Variants in GON4L observed in about 807,000 individuals in gnomAD.
GON4L encodes GON-4-like protein.
In GON4L, 87 loss-of-function variants were observed where a neutral mutation model predicts 211.8. The ratio of observed to expected loss-of-function variants is 0.41; its 90% CI spans 0.35 to 0.49. The LOEUF is 0.49. Ranked by LOEUF, GON4L falls within the 20% of genes least tolerant of loss-of-function variation. The probability of loss-of-function intolerance (pLI) is 0.15; values close to 1 mark genes in which losing one functional copy is unlikely to be tolerated. For synonymous variants in GON4L, 875 were observed against 962.6 expected, an observed-to-expected ratio of 0.91 and a Z score of 1.68; for missense variants, 2,155 against 2,659.5, an observed-to-expected ratio of 0.81 and a Z score of 4.17.
At position 155,853,810 on chromosome 1, in the gene GON4L, A is replaced by T. The variant is rs769195682; in HGVS notation, c.-26-4T>A. On this transcript the variant is annotated splice_polypyrimidine_tract_variant and splice_region_variant and intron_variant, in intron 1 of 31. Coordinates refer to ENST00000368331, the MANE Select transcript of GON4L (RefSeq NM_001282860.2). The stretch of plus-strand genomic sequence containing the variant: ...AAAGTCCCACTTTTGTTCCATTCTG[A>T]AAGAATAAAAAGTTCTTACTGCCTT... The T allele has an allele frequency of 2.5e-6, 4 of 1,585,130 alleles. No individual in the cohort carries two copies. The highest frequency in any genetic ancestry group is 3.5e-6 in the Non-Finnish European group (4 of 1,154,936).
chr1:155,812,684 T>C (rs1667900517), intron 10 of GON4L, among the ~76,000 whole-genome samples: 1 of 152,036 alleles, frequency 6.6e-6, no homozygotes, highest in South Asian at 2.1e-4. Context: ...GCTTCCCAAG[T>C]AGCTGGGATT....
At chr1:155,848,605 G>A (rs992033907) in intron 2 of GON4L, among the ~76,000 whole-genome samples, 1 of 152,106 alleles carries the variant, frequency 6.6e-6, no homozygotes, top group African/African-American at 2.4e-5. Context: ...ATCAAATCCT[G>A]TGAATCCTTC....
chr1:155,772,774 A>G (rs969948253), intron 18 of GON4L, among the ~76,000 whole-genome samples: 5 of 151,890 alleles, frequency 3.3e-5, no homozygotes, highest in Admixed American at 3.3e-4. Context: ...ATAAAATAAA[A>G]TAAAAGCGAA....
At position 155,771,174 on chromosome 1, in the gene GON4L, G is replaced by A. The variant is rs138750256; in HGVS notation, c.2539C>T (p.Pro847Ser). The part of the protein sequence containing the change: ...GLKHFEGTEF[P>S]NPLISKYLLT... ...AGGTACTTGCTGATTAGAGGATTAGGAAACTCAGTTCCTTCAAAATGCTTC... is the reference window on the plus strand; with the variant it reads ...AGGTACTTGCTGATTAGAGGATTAGAAAACTCAGTTCCTTCAAAATGCTTC... The change falls in exon 19 of 32, where the codon CCT becomes TCT. Residue 847 changes from proline (P) to serine (S), a missense_variant. By Grantham distance (74) the Pro-to-Ser change is moderately conservative. Around this residue, in one of 6 missense-constraint regions of GON4L, gnomAD observed 551 missense variants for 854.0 expected, o/e 0.65. Transcript: ENST00000368331. The A allele has an allele frequency of 6.2e-7, 1 of 1,614,164 alleles. No homozygotes were observed. The highest frequency in any genetic ancestry group is 8.5e-7 in the Non-Finnish European group (1 of 1,180,026).
intron 1 of GON4L, among the ~76,000 whole-genome samples, chr1:155,855,204 T>C (rs1467631055): frequency 1.3e-5 from 2 of 152,204 alleles, no homozygotes; most frequent in Non-Finnish European, 2.9e-5. Context: ...GTATCCTCTA[T>C]GTTCTTTTAG....
At chr1:155,834,710 T>C (rs1670127099) in intron 2 of GON4L, among the ~76,000 whole-genome samples, 1 of 152,176 alleles carries the variant, frequency 6.6e-6, no homozygotes, top group Non-Finnish European at 1.5e-5. Context: ...CCATGACAGT[T>C]TACAAATGCC....
Position 155,853,407 on chromosome 1 carries a change from G to A in GON4L, c.374C>T (p.Ala125Val). The A allele has an allele frequency of 6.2e-7, 1 of 1,614,144 alleles. No homozygotes were observed. Among genetic ancestry groups the A allele is most frequent in the Non-Finnish European group, 8.5e-7 (1 of 1,180,008 alleles). Residue 125 changes from alanine (A) to valine (V), a missense_variant, in exon 2 of 32, where the codon GCT becomes GTT. By Grantham distance (64) the Ala-to-Val change is moderately conservative. Transcript: ENST00000368331. ...TTTTTTCCCTCTCTTTGAGCCAGTA[G>A]CGTGGAGTTTTCCTTTACCAATGTG... The part of the protein sequence containing the change: ...NIHIGKGKLH[A>V]TGSKRGKKMT...
chr1:155,801,112 C>CAAAA (rs367752032), intron 11 of GON4L, among the ~76,000 whole-genome samples: 60 of 73,602 alleles, frequency 8.2e-4, no homozygotes, highest in African/African-American at 1.1e-3. Flanking sequence ...TGCTGCTGCT[C>CAAAA]AAAAAAAAAA....
chr1:155,804,911 T>G lies in GON4L; in HGVS notation c.1645+38A>C, dbSNP rs751125488. ...ATACTAAAAATTTTACAACAGATAATGGACAGTATACATAATAAATCACAA... is the reference window on the plus strand; with the variant it reads ...ATACTAAAAATTTTACAACAGATAAGGGACAGTATACATAATAAATCACAA... On this transcript the variant is annotated intron_variant, in intron 11 of 31. Transcript: ENST00000368331. 2.1e-6 allele frequency: 3 copies of G among 1,446,226 alleles called. No individual in the cohort carries two copies. In the South Asian group the frequency reaches 3.4e-5, roughly 17 times the overall value. The allele number at this position is 1,446,226 out of a possible 1,614,324, so 89.6% of individuals were successfully genotyped here.
intron 1 of GON4L, among the ~76,000 whole-genome samples, chr1:155,854,332 T>C (rs955383081): frequency 2.0e-5 from 3 of 152,196 alleles, no homozygotes; most frequent in Non-Finnish European, 4.4e-5. Flanking sequence ...TTTTTTTGTA[T>C]TTTTAGTAGA....
chr1:155,849,275 G>A (rs564984476), intron 2 of GON4L, among the ~76,000 whole-genome samples: 12 of 151,880 alleles, frequency 7.9e-5, no homozygotes, highest in Middle Eastern at 3.4e-3. Flanking sequence ...GCTGGGCACG[G>A]TGGCTCACAC....
intron 20 of GON4L, 122 bp downstream of exon 20, chr1:155,767,303 G>A: frequency 6.2e-7 from 1 of 1,600,080 alleles, no homozygotes; most frequent in Non-Finnish European, 8.5e-7. Flanking sequence ...GGTGAATCAG[G>A]AAGATTTCTA....
chr1:155,753,811 A>G (rs189711789), intron 28 of GON4L, among the ~76,000 whole-genome samples: 1 of 152,104 alleles, frequency 6.6e-6, no homozygotes, highest in Non-Finnish European at 1.5e-5. Flanking sequence ...TCCTGGGCTC[A>G]AGTGATCCTC....
intron 10 of GON4L, among the ~76,000 whole-genome samples, chr1:155,808,915 T>C (rs1193103742): frequency 2.0e-5 from 3 of 152,060 alleles, no homozygotes; most frequent in Non-Finnish European, 4.4e-5. Context: ...CCGGACCCTG[T>C]TTTTTAAAAT....
chr1:155,853,564 T>C lies in GON4L; in HGVS notation c.217A>G (p.Met73Val), dbSNP rs375536483. The stretch of plus-strand genomic sequence containing the variant: ...CCAGAGCTCAGAGATGTATCCTCCA[T>C]ACCAAGCTGATTTCCTGCATCCTGC... ...SLQDAGNQLGMEDTSLSSGML... is the reference protein window; with the variant it reads ...SLQDAGNQLGVEDTSLSSGML... Residue 73 changes from methionine (M) to valine (V), a missense_variant, in exon 2 of 32, where the codon ATG becomes GTG. This residue lies in a region of GON4L where 313 missense variants were observed against 293.2 expected (regional missense o/e 1.07). Coordinates refer to ENST00000368331, the MANE Select transcript of GON4L (RefSeq NM_001282860.2). 66 of 1,614,080 alleles carry C rather than the reference T, an allele frequency of 4.1e-5. No homozygotes were observed. The highest frequency in any genetic ancestry group is 3.3e-4 in the Middle Eastern group (2 of 6,084).
At position 155,807,312 on chromosome 1, in the gene GON4L, T is replaced by A. The variant is rs547845124; in HGVS notation, c.1453-2171A>T. ...CTATGCAAGAGCCAACGTGGGAGGA[T>A]CACTTGAACACAGGAGGAGGTTGAG... On this transcript the variant is annotated intron_variant, in intron 10 of 31. Transcript: ENST00000368331. Among the ~76,000 whole-genome samples the A allele has an allele frequency of 1.3e-3, 192 of 152,012 alleles. 1 individual carries two copies. The highest frequency in any genetic ancestry group is 4.5e-3 in the African/African-American group (185 of 41,490).
At chr1:155,788,149 G>A (rs984411138) in intron 12 of GON4L, among the ~76,000 whole-genome samples, 1 of 151,964 alleles carries the variant, frequency 6.6e-6, no homozygotes, top group Non-Finnish European at 1.5e-5. Flanking sequence ...GCGCCACCAC[G>A]CCTGGCTAAT....
chr1:155,789,319 C>T (rs756310112), intron 12 of GON4L, among the ~76,000 whole-genome samples: 1 of 151,970 alleles, frequency 6.6e-6, no homozygotes, highest in Non-Finnish European at 1.5e-5. Context: ...ATATGGAGCT[C>T]TAGTTCATTA....
chr1:155,752,736 T>C (rs1224918432), intron 29 of GON4L, 146 bp from the exon 30 acceptor site: 5 of 1,247,540 alleles, frequency 4.0e-6, no homozygotes, highest in Non-Finnish European at 5.6e-6. Flanking sequence ...TGTCCGCACT[T>C]TGGGAAGCCA....
Sources: allele counts gnomAD v4.1 joint callset (sites outside exome capture counted in the v4.1 genomes callset), GRCh38; gene constraint gnomAD v4.1.1; regional missense constraint gnomAD v4.1.1; transcripts MANE v1.5; gene names NCBI Gene and HGNC (gene_info 2026-07-23, HGNC 2026-07-21).